BPGM: variants seen among roughly 807,000 people sequenced by gnomAD.
BPGM encodes the protein 2,3-bisphosphoglycerate mutase, erythrocyte.
BPGM carries 15 observed loss-of-function variants against 21.6 expected under a neutral mutation model. The observed-to-expected ratio is 0.70, with a 90% CI of 0.47 to 1.07. BPGM has a LOEUF of 1.07. Among genes scored for constraint, BPGM ranks in the 50% least tolerant of loss-of-function variants. The pLI, the probability that BPGM is intolerant of heterozygous loss-of-function variation, is 0.00. For synonymous variants in BPGM, 113 were observed against 116.2 expected (o/e 0.97, Z 0.18); for missense variants, 273 against 319.0 (o/e 0.86, Z 1.10).
chr7:134,660,045 A>G (rs1165630977), intron 1 of BPGM, among the ~76,000 whole-genome samples: 2 of 152,210 alleles, frequency 1.3e-5, no homozygotes, highest in Non-Finnish European at 2.9e-5. Flanking sequence ...TATTCCCTTC[A>G]TTAAGCAACA....
intron 1 of BPGM, among the ~76,000 whole-genome samples, chr7:134,659,535 C>T (rs1795697601): frequency 1.3e-5 from 2 of 152,130 alleles, no homozygotes; most frequent in Admixed American, 1.3e-4. Context: ...CTTTTGTTCC[C>T]TTCTCTGTTC....
At chr7:134,659,805 T>C (rs947961332) in intron 1 of BPGM, among the ~76,000 whole-genome samples, 7 of 152,210 alleles carry the variant, frequency 4.6e-5, no homozygotes, top group African/African-American at 1.7e-4. Context: ...TAAATGATGG[T>C]GGCCCTGTAA....
At chr7:134,648,491 C>T (rs1013387817) in intron 1 of BPGM, among the ~76,000 whole-genome samples, 5 of 152,092 alleles carry the variant, frequency 3.3e-5, no homozygotes, top group African/African-American at 1.2e-4. Context: ...TCTTAGCCAT[C>T]TTTGTATTCC....
At position 134,661,500 on chromosome 7, in the gene BPGM, C is replaced by T. The variant is rs747857911; in HGVS notation, c.-8C>T. On this transcript the variant is annotated 5_prime_UTR_variant, in exon 2 of 3. Transcript: ENST00000344924. The surrounding 1 kb of genome is among the most constrained non-coding windows in gnomAD (Gnocchi z 4.6). Reference sequence around the variant, plus strand: ...ATTTGAAAACGCCTGGGAAGTTCAGCCATCAGTATGTCCAAGTACAAACTT... The same window carrying T: ...ATTTGAAAACGCCTGGGAAGTTCAGTCATCAGTATGTCCAAGTACAAACTT... The T allele has an allele frequency of 9.9e-6, 16 of 1,613,940 alleles. No homozygotes were observed. Among genetic ancestry groups the T allele is most frequent in the Non-Finnish European group, 1.4e-5 (16 of 1,179,982 alleles).
At chr7:134,657,295 A>G (rs181829970) in intron 1 of BPGM, among the ~76,000 whole-genome samples, 1 of 152,346 alleles carries the variant, frequency 6.6e-6, no homozygotes, top group Non-Finnish European at 1.5e-5. Flanking sequence ...TGTTCTGCAT[A>G]GGGTACAGTG....
In BPGM at chr7:134,679,265, C is replaced by A. The variant is rs1213737472; in HGVS notation, c.*234C>A. On this transcript the variant is annotated 3_prime_UTR_variant, in exon 3 of 3. Coordinates refer to ENST00000344924, the MANE Select transcript of BPGM (RefSeq NM_001724.5). ...GCTAGCCCCCTAGTCGGTCACCAAA[C>A]TAGTAACTAGTGGGGCTTAATGAAG... The A allele has an allele frequency of 1.9e-5, 10 of 534,498 alleles. No homozygotes were observed. The East Asian group carries it at 2.9e-4, about 16-fold the overall frequency. 33.1% of individuals were successfully genotyped at this position (534,498 alleles called of 1,614,324 possible). A position where few individuals can be genotyped will look rare whatever the true frequency, so the allele number is the denominator to read the frequency against.
chr7:134,649,352 G>A (rs1795520652), intron 1 of BPGM, among the ~76,000 whole-genome samples: 1 of 152,162 alleles, frequency 6.6e-6, no homozygotes, highest in Admixed American at 6.5e-5. Flanking sequence ...ATGTCACTTA[G>A]AAGCAACTAC....
At chr7:134,669,681 C>T (rs1795874926) in intron 2 of BPGM, among the ~76,000 whole-genome samples, 1 of 152,148 alleles carries the variant, frequency 6.6e-6, no homozygotes. Context: ...TGTCAAATGA[C>T]TTATTTATAT....
chr7:134,657,155 G>GAA (rs1795651522), intron 1 of BPGM, among the ~76,000 whole-genome samples: 2 of 152,194 alleles, frequency 1.3e-5, no homozygotes, highest in African/African-American at 4.8e-5. Context: ...GTGGCTTGTA[G>GAA]AAAATTTAAA....
intron 1 of BPGM, among the ~76,000 whole-genome samples, chr7:134,652,547 A>G: frequency 6.6e-6 from 1 of 152,086 alleles, no homozygotes; most frequent in East Asian, 1.9e-4. Flanking sequence ...TTATCACCCT[A>G]TTGTGCTACT....
chr7:134,648,938 A>G (rs1019694237), intron 1 of BPGM, among the ~76,000 whole-genome samples: 3 of 152,216 alleles, frequency 2.0e-5, no homozygotes, highest in African/African-American at 4.8e-5. Flanking sequence ...TGTACCATCT[A>G]TTAGCAAGTA....
chr7:134,653,080 ATAAAT>A (rs1313711275), intron 1 of BPGM, among the ~76,000 whole-genome samples: 10 of 152,354 alleles, frequency 6.6e-5, no homozygotes, highest in African/African-American at 1.9e-4. Context: ...AACGGTTGAA[ATAAAT>A]TAATATTTCA....
chr7:134,669,627 G>T (rs1286874843), intron 2 of BPGM, among the ~76,000 whole-genome samples: 1 of 152,148 alleles, frequency 6.6e-6, no homozygotes, highest in Non-Finnish European at 1.5e-5. Flanking sequence ...CCACATGTCA[G>T]TGCCTAAGAC....
rs1443632665 is a variant in BPGM at position 134,661,056 on chromosome 7, T to A, written c.-61-391T>A. 6.6e-6 allele frequency among the ~76,000 whole-genome samples: 1 copy of A among 152,204 alleles called. No individual in the cohort carries two copies. Among genetic ancestry groups the A allele is most frequent in the East Asian group, 1.9e-4 (1 of 5,194 alleles). On this transcript the variant is annotated intron_variant, in intron 1 of 2. Coordinates refer to ENST00000344924, the MANE Select transcript of BPGM (RefSeq NM_001724.5). This position sits in a 1 kb window ranked among gnomAD's most constrained non-coding sequence, Gnocchi z 4.6. ...TGAAAAGGATGCCTTCAGTGTAGAG[T>A]CAGCTGCTGGGAGCTGGGAGTTCCC...
At chr7:134,673,589 C>A (rs1013316930) in intron 2 of BPGM, among the ~76,000 whole-genome samples, 5 of 152,190 alleles carry the variant, frequency 3.3e-5, no homozygotes, top group African/African-American at 1.2e-4. Flanking sequence ...AGACAACAAC[C>A]CCTAAACATG....
At chr7:134,648,131 G>GTTTTTT (rs139722217) in intron 1 of BPGM, among the ~76,000 whole-genome samples, 83 of 145,318 alleles carry the variant, frequency 5.7e-4, no homozygotes, top group African/African-American at 1.1e-3. Flanking sequence ...CTTTTGTTTT[G>GTTTTTT]GTTTTTTTTT....
chr7:134,652,449 A>G (rs1795571079), intron 1 of BPGM, among the ~76,000 whole-genome samples: 1 of 152,156 alleles, frequency 6.6e-6, no homozygotes, highest in Admixed American at 6.6e-5. Context: ...TACCTCATGC[A>G]TTTGTCTATT....
intron 1 of BPGM, among the ~76,000 whole-genome samples, chr7:134,655,457 T>TG (rs150701838): frequency 0.01 from 1,558 of 152,052 alleles, 26 homozygotes; most frequent in African/African-American, 0.036. Flanking sequence ...ATATCTCCAG[T>TG]GGGGGGTTGA....
At chr7:134,672,263 G>A (rs1292289098) in intron 2 of BPGM, among the ~76,000 whole-genome samples, 1 of 150,996 alleles carries the variant, frequency 6.6e-6, no homozygotes, top group Non-Finnish European at 1.5e-5. Context: ...ATTTAACACA[G>A]ACTTAAAGAC....
Sources: gnomAD v4.1 joint callset for allele counts (sites outside exome capture counted in the v4.1 genomes callset) on GRCh38, gnomAD v4.1.1 for gene constraint, Gnocchi (gnomAD v3.1) non-coding constraint, MANE v1.5 for transcripts, NCBI Gene and HGNC (gene_info 2026-07-23, HGNC 2026-07-21) for gene names.